RELN: variants seen among roughly 807,000 people sequenced by gnomAD.
The protein encoded by RELN is reelin.
In RELN, 108 loss-of-function variants were observed where a neutral mutation model predicts 427.6. The observed-to-expected ratio is 0.25, with a 90% confidence interval of 0.22 to 0.30. The LOEUF (loss-of-function observed/expected upper bound fraction) is 0.30, where lower values mean the gene tolerates loss of function less well. Among genes scored for constraint, RELN ranks in the 10% least tolerant of loss-of-function variants. RELN has a pLI of 1.00. For synonymous variants in RELN, 1,524 were observed against 1,513.4 expected (o/e 1.01, Z -0.16); for missense variants, 3,715 against 4,302.8 (o/e 0.86, Z 3.82).
At chr7:103,761,017 T>G (rs1412464519) in intron 4 of RELN, among the ~76,000 whole-genome samples, 1 of 152,202 alleles carries the variant, frequency 6.6e-6, no homozygotes, top group Non-Finnish European at 1.5e-5. Flanking sequence ...TTCAAGAACA[T>G]ACTTATGCTC....
chr7:103,648,664 G>T (rs1416395369), intron 16 of RELN, among the ~76,000 whole-genome samples: 1 of 152,072 alleles, frequency 6.6e-6, no homozygotes, highest in South Asian at 2.1e-4. Flanking sequence ...CCTACAGATT[G>T]GGAGAAAATA....
intron 1 of RELN, among the ~76,000 whole-genome samples, chr7:103,956,636 T>C (rs1796439939): frequency 6.6e-6 from 1 of 152,192 alleles, no homozygotes. Context: ...TAAAAGTGTA[T>C]AAGACTGAAA....
intron 40 of RELN, among the ~76,000 whole-genome samples, chr7:103,551,938 G>GTGTGTGTGT (rs1554376284): frequency 9.7e-5 from 14 of 144,746 alleles, no homozygotes; most frequent in African/African-American, 3.4e-4. Flanking sequence ...TGTGTGTGTG[G>GTGTGTGTGT]GTGTGTGTGT....
intron 3 of RELN, among the ~76,000 whole-genome samples, chr7:103,803,202 C>T (rs968921159): frequency 2.0e-5 from 3 of 152,070 alleles, no homozygotes; most frequent in African/African-American, 7.2e-5. Context: ...CTCAAACTTA[C>T]TTTATAAATG....
intron 3 of RELN, among the ~76,000 whole-genome samples, chr7:103,810,801 TA>T (rs1792723368): frequency 6.6e-6 from 1 of 152,254 alleles, no homozygotes. Context: ...ACTGGAGAGT[TA>T]ACTTTCTCTC....
At chr7:103,814,613 T>C (rs1792824715) in intron 3 of RELN, among the ~76,000 whole-genome samples, 1 of 152,126 alleles carries the variant, frequency 6.6e-6, no homozygotes, top group African/African-American at 2.4e-5. Context: ...ATTATTAGTA[T>C]ATGATGGAAC....
intron 46 of RELN, among the ~76,000 whole-genome samples, chr7:103,530,705 A>G (rs1426819955): frequency 1.3e-5 from 2 of 151,860 alleles, no homozygotes; most frequent in Non-Finnish European, 2.9e-5. Context: ...CACTGTCCAC[A>G]TTGTTCCCCT....
At chr7:103,684,495 A>G (rs1263956773) in intron 10 of RELN, among the ~76,000 whole-genome samples, 1 of 152,210 alleles carries the variant, frequency 6.6e-6, no homozygotes, top group Non-Finnish European at 1.5e-5. Context: ...AATTAAATTC[A>G]GCACCTACAT....
intron 5 of RELN, among the ~76,000 whole-genome samples, chr7:103,752,740 A>G (rs1791035916): frequency 6.6e-6 from 1 of 152,204 alleles, no homozygotes; most frequent in Non-Finnish European, 1.5e-5. Context: ...AAGAAATGAC[A>G]AAATAATTTC....
intron 4 of RELN, among the ~76,000 whole-genome samples, chr7:103,770,148 G>A (rs1365904209): frequency 1.3e-5 from 2 of 152,114 alleles, no homozygotes; most frequent in African/African-American, 4.8e-5. Flanking sequence ...GCAATGGCAT[G>A]ATTTCGGCTC....
chr7:103,872,474 T>G (rs1211076108), intron 2 of RELN, among the ~76,000 whole-genome samples: 1 of 134,326 alleles, frequency 7.4e-6, no homozygotes, highest in Non-Finnish European at 1.6e-5. Flanking sequence ...TGTTGGACAT[T>G]TGGGTTGGTT....
chr7:103,967,947 C>A (rs1277937524), intron 1 of RELN, among the ~76,000 whole-genome samples: 5 of 151,836 alleles, frequency 3.3e-5, no homozygotes, highest in Admixed American at 1.3e-4. Flanking sequence ...TTTATTATTT[C>A]ATATTTACAA....
intron 3 of RELN, among the ~76,000 whole-genome samples, chr7:103,784,152 G>A (rs558351708): frequency 2.0e-5 from 3 of 152,196 alleles, no homozygotes; most frequent in East Asian, 1.9e-4. Context: ...AATTTCTCAT[G>A]ATTATCACAA....
intron 3 of RELN, among the ~76,000 whole-genome samples, chr7:103,825,649 T>C (rs1793119091): frequency 1.3e-5 from 2 of 152,116 alleles, no homozygotes; most frequent in Admixed American, 1.3e-4. Context: ...TTATCGAATC[T>C]TGTGCTACAC....
intron 21 of RELN, among the ~76,000 whole-genome samples, chr7:103,611,406 T>C (rs1831951515): frequency 6.6e-6 from 1 of 152,222 alleles, no homozygotes; most frequent in South Asian, 2.1e-4. Context: ...TTATTTCCAA[T>C]TATTCTTTAA....
chr7:103,900,356 A>G lies in RELN; in HGVS notation c.337+16719T>C, dbSNP rs146289087. 3.4e-3 allele frequency among the ~76,000 whole-genome samples: 523 copies of G among 152,298 alleles called. 8 individuals are homozygous for G. The East Asian group carries it at 0.053, about 15-fold the overall frequency. On this transcript the variant is annotated intron_variant, in intron 2 of 64. Coordinates refer to ENST00000428762, the MANE Select transcript of RELN (RefSeq NM_005045.4). ...TGTATAGGAAGAATCAATATCATGA[A>G]AATGGCCATACTGCCCAAAGTAATT...
chr7:103,548,054 T>C (rs1367038632), intron 41 of RELN, among the ~76,000 whole-genome samples: 3 of 152,214 alleles, frequency 2.0e-5, no homozygotes, highest in Non-Finnish European at 4.4e-5. Flanking sequence ...GCACACAACA[T>C]TGCTTTCATT....
At chr7:103,893,670 A>G (rs1483412438) in intron 2 of RELN, among the ~76,000 whole-genome samples, 1 of 152,190 alleles carries the variant, frequency 6.6e-6, no homozygotes, top group African/African-American at 2.4e-5. Context: ...ACTTCTTTTA[A>G]TACCACAGTC....
chr7:103,891,215 G>T (rs1350868744), intron 2 of RELN, among the ~76,000 whole-genome samples: 1 of 152,112 alleles, frequency 6.6e-6, no homozygotes. Context: ...CACCCATTCT[G>T]CTTGAGCTAG....
Sources: allele counts gnomAD v4.1 joint callset (sites outside exome capture counted in the v4.1 genomes callset), GRCh38; gene constraint gnomAD v4.1.1; transcripts MANE v1.5; gene names NCBI Gene and HGNC (gene_info 2026-07-23, HGNC 2026-07-21).